COX10: variants seen among roughly 807,000 people sequenced by gnomAD.
COX10 encodes cytochrome c oxidase assembly factor heme A:farnesyltransferase COX10.
Under a neutral mutation model 37.3 loss-of-function variants are expected in COX10, and 27 were observed. The observed-to-expected ratio is 0.72, with a 90% confidence interval of 0.53 to 1.00. The LOEUF (loss-of-function observed/expected upper bound fraction) is 1.00. Among genes scored for constraint, COX10 ranks in the 50% least tolerant of loss-of-function variants. COX10 has a pLI of 0.00. For synonymous variants in COX10, 222 were observed against 229.1 expected, an observed-to-expected ratio of 0.97 and a Z score of 0.28; for missense variants, 475 against 563.2, an observed-to-expected ratio of 0.84 and a Z score of 1.59.
intron 3 of COX10, among the ~76,000 whole-genome samples, chr17:14,093,510 C>G (rs531621350): frequency 6.6e-6 from 1 of 152,270 alleles, no homozygotes; most frequent in South Asian, 2.1e-4. Flanking sequence ...TAAAACATTT[C>G]AAGTGGTTCT....
intron 4 of COX10, among the ~76,000 whole-genome samples, chr17:14,128,737 G>A (rs1171883687): frequency 6.6e-6 from 1 of 152,228 alleles, no homozygotes; most frequent in Non-Finnish European, 1.5e-5. Context: ...ATTTATGATT[G>A]TACAGCTGGA....
chr17:14,166,465 A>G (rs1339333865), intron 5 of COX10, among the ~76,000 whole-genome samples: 1 of 152,230 alleles, frequency 6.6e-6, no homozygotes, highest in African/African-American at 2.4e-5. Flanking sequence ...GCTCAGAGGA[A>G]AAGATTGCCT....
At chr17:14,153,389 A>G (rs1011019336) in intron 4 of COX10, among the ~76,000 whole-genome samples, 17 of 152,218 alleles carry the variant, frequency 1.1e-4, no homozygotes, top group African/African-American at 3.9e-4. Context: ...TACTGTTAAC[A>G]TATTTTACAT....
At chr17:14,069,673 C>G in intron 1 of COX10, 25 bp downstream of exon 1, 1 of 1,613,888 alleles carries the variant, frequency 6.2e-7, no homozygotes, top group South Asian at 1.1e-5. Context: ...TTGGGCACGA[C>G]CTTGGGGGAA....
chr17:14,159,827 A>G, intron 4 of COX10, 50 bp from the exon 5 acceptor site: 1 of 1,413,614 alleles, frequency 7.1e-7, no homozygotes, highest in Non-Finnish European at 9.9e-7. Context: ...GCGGAAGAAA[A>G]GAATTGTTTT....
At chr17:14,085,628 A>G (rs897187651) in intron 3 of COX10, among the ~76,000 whole-genome samples, 3 of 152,070 alleles carry the variant, frequency 2.0e-5, no homozygotes, top group Non-Finnish European at 4.4e-5. Context: ...ACCATAATTT[A>G]TTTATTTCTC....
intron 6 of COX10, among the ~76,000 whole-genome samples, chr17:14,193,810 C>T (rs898772086): frequency 6.7e-6 from 1 of 149,302 alleles, no homozygotes; most frequent in African/African-American, 2.4e-5. Flanking sequence ...CGCAACTGTC[C>T]TCTTCCCTCT....
intron 5 of COX10, among the ~76,000 whole-genome samples, chr17:14,168,160 CCCATG>C (rs1336175160): frequency 6.6e-6 from 1 of 152,216 alleles, no homozygotes; most frequent in Non-Finnish European, 1.5e-5. Flanking sequence ...GGCTACAGGC[CCCATG>C]CATGTCCGAA....
chr17:14,191,207 G>T (rs139288206), intron 5 of COX10, among the ~76,000 whole-genome samples: 1,934 of 152,038 alleles, frequency 0.013, 12 homozygotes, highest in African/African-American at 0.023. Flanking sequence ...ACTTTTAGAA[G>T]TTGGCTCTTT....
chr17:14,117,879 G>A (rs1454195965), intron 4 of COX10, among the ~76,000 whole-genome samples: 1 of 152,136 alleles, frequency 6.6e-6, no homozygotes, highest in Non-Finnish European at 1.5e-5. Flanking sequence ...CTTGGAGGAT[G>A]AGTGCAAGAT....
At chr17:14,110,870 G>C (rs1272788602) in intron 4 of COX10, among the ~76,000 whole-genome samples, 1 of 152,032 alleles carries the variant, frequency 6.6e-6, no homozygotes, top group Non-Finnish European at 1.5e-5. Flanking sequence ...TGCTTTTAAG[G>C]TTTAATTTGT....
At chr17:14,160,197 T>C (rs1377612036) in intron 5 of COX10, among the ~76,000 whole-genome samples, 2 of 152,184 alleles carry the variant, frequency 1.3e-5, no homozygotes, top group African/African-American at 4.8e-5. Context: ...ATATTTTTAA[T>C]TCCACTTTGA....
At chr17:14,113,422 G>A (rs572464942) in intron 4 of COX10, among the ~76,000 whole-genome samples, 32 of 151,930 alleles carry the variant, frequency 2.1e-4, no homozygotes, top group Non-Finnish European at 4.1e-4. Context: ...GACATACAAT[G>A]TTTATATTAT....
chr17:14,081,430 A>G (rs551303244), intron 3 of COX10, among the ~76,000 whole-genome samples: 4 of 152,372 alleles, frequency 2.6e-5, no homozygotes, highest in South Asian at 4.1e-4. Flanking sequence ...GAGACATAAA[A>G]TAAGAGCTGA....
At chr17:14,203,281 G>A (rs1906599473) in intron 6 of COX10, among the ~76,000 whole-genome samples, 1 of 151,910 alleles carries the variant, frequency 6.6e-6, no homozygotes, top group Non-Finnish European at 1.5e-5. Flanking sequence ...AAATGAATTT[G>A]GGGGATTTGA....
chr17:14,100,242 C>G (rs972355153), intron 3 of COX10, among the ~76,000 whole-genome samples: 7 of 152,290 alleles, frequency 4.6e-5, no homozygotes, highest in African/African-American at 1.7e-4. Flanking sequence ...CCTCAGCTTG[C>G]TATTCTGCAG....
At chr17:14,101,073 C>G (rs1490215176) in intron 3 of COX10, among the ~76,000 whole-genome samples, 7 of 152,178 alleles carry the variant, frequency 4.6e-5, no homozygotes, top group Non-Finnish European at 1.0e-4. Flanking sequence ...GGACTAAATG[C>G]TGGCAGTGTG....
At chr17:14,206,770 A>C in intron 6 of COX10, 40 bp from the exon 7 acceptor site, 1 of 1,611,948 alleles carries the variant, frequency 6.2e-7, no homozygotes, top group Non-Finnish European at 8.5e-7. Flanking sequence ...TCTGGTGATG[A>C]CTGCCTTTGT....
At chr17:14,152,686 C>G (rs1904938760) in intron 4 of COX10, among the ~76,000 whole-genome samples, 1 of 152,160 alleles carries the variant, frequency 6.6e-6, no homozygotes, top group Admixed American at 6.5e-5. Flanking sequence ...GTGAGGACCA[C>G]CTAAAACTCA....
Sources: gnomAD v4.1 joint callset for allele counts (sites outside exome capture counted in the v4.1 genomes callset) on GRCh38, gnomAD v4.1.1 for gene constraint, MANE v1.5 for transcripts, NCBI Gene and HGNC (gene_info 2026-07-23, HGNC 2026-07-21) for gene names.